RIC8B: variants seen among roughly 807,000 people sequenced by gnomAD.
RIC8B encodes the protein chaperone Ric-8B.
In RIC8B, 16 loss-of-function variants were observed where a neutral mutation model predicts 57.5. The observed-to-expected ratio is 0.28, with a 90% confidence interval of 0.19 to 0.42. The LOEUF is 0.42. Among genes scored for constraint, RIC8B ranks in the 10% least tolerant of loss-of-function variants. RIC8B has a pLI of 1.00. For missense variants in RIC8B, 481 were observed against 677.0 expected, an observed-to-expected ratio of 0.71 and a Z score of 3.21; for synonymous variants, 216 against 250.8, an observed-to-expected ratio of 0.86 and a Z score of 1.31.
At chr12:106,837,373 A>G (rs2046653649) in intron 4 of RIC8B, among the ~76,000 whole-genome samples, 5 of 152,084 alleles carry the variant, frequency 3.3e-5, no homozygotes, top group Admixed American at 3.3e-4. Context: ...AAAAAAAAAA[A>G]GTATAACCCA....
Position 106,879,339 on chromosome 12 carries a change from G to T in RIC8B, c.1572-6565G>T. On this transcript the variant is annotated intron_variant, in intron 9 of 9. Transcript: ENST00000392837. This position sits in a 1 kb window ranked among gnomAD's most constrained non-coding sequence, Gnocchi z 4.9. Reference sequence around the variant, plus strand: ...ATACACGTCTGACCTATTCTATATTGTGCGATTGGGTATGTTAGTATCTGA... The same window carrying T: ...ATACACGTCTGACCTATTCTATATTTTGCGATTGGGTATGTTAGTATCTGA... 4 of 985,156 alleles carry T rather than the reference G, an allele frequency of 4.1e-6. No individual in the cohort carries two copies. Among genetic ancestry groups the T allele is most frequent in the Non-Finnish European group, 4.8e-6 (4 of 829,870 alleles). 61.0% of individuals were successfully genotyped at this position (985,156 alleles called of 1,614,324 possible). A position where few individuals can be genotyped will look rare whatever the true frequency, so the allele number is the denominator to read the frequency against.
At chr12:106,849,168 TTTACCC>T (rs1301314766) in intron 6 of RIC8B, among the ~76,000 whole-genome samples, 5 of 152,192 alleles carry the variant, frequency 3.3e-5, no homozygotes, top group Non-Finnish European at 7.4e-5. Context: ...GGATACCCCA[TTTACCC>T]TGATGTGATT....
intron 2 of RIC8B, among the ~76,000 whole-genome samples, chr12:106,795,127 A>T (rs2044419867): frequency 6.6e-6 from 1 of 152,224 alleles, no homozygotes; most frequent in African/African-American, 2.4e-5. Flanking sequence ...CAAAAGCTAT[A>T]AATGTATACT....
intron 2 of RIC8B, among the ~76,000 whole-genome samples, chr12:106,811,291 G>C (rs146837103): frequency 8.3e-4 from 127 of 152,242 alleles, no homozygotes; most frequent in South Asian, 2.5e-3. Flanking sequence ...TGACCCTAAC[G>C]TCCGAATTAT....
intron 3 of RIC8B, among the ~76,000 whole-genome samples, chr12:106,816,600 T>C (rs2045585593): frequency 1.3e-5 from 2 of 152,226 alleles, no homozygotes; most frequent in Non-Finnish European, 2.9e-5. Flanking sequence ...AAGTTCTCCA[T>C]TTGAGACCTT....
At chr12:106,869,263 A>C (rs1293504321) in intron 8 of RIC8B, among the ~76,000 whole-genome samples, 1 of 152,086 alleles carries the variant, frequency 6.6e-6, no homozygotes, top group African/African-American at 2.4e-5. Flanking sequence ...GCCTCTGAGG[A>C]AGGTAGAAAA....
intron 2 of RIC8B, among the ~76,000 whole-genome samples, chr12:106,803,739 G>C (rs961482699): frequency 6.6e-6 from 1 of 152,110 alleles, no homozygotes; most frequent in Non-Finnish European, 1.5e-5. Flanking sequence ...AAATCCTTTT[G>C]AGAAACACTA....
At chr12:106,854,441 C>G (rs1413171565) in intron 7 of RIC8B, among the ~76,000 whole-genome samples, 1 of 152,128 alleles carries the variant, frequency 6.6e-6, no homozygotes, top group East Asian at 1.9e-4. Context: ...GGTCAGACCA[C>G]TAAGTAGAGA....
At chr12:106,868,425 T>C in intron 8 of RIC8B, 3 of 443,852 alleles carry the variant, frequency 6.8e-6, no homozygotes, top group Non-Finnish European at 1.4e-5. Context: ...TGGGAAGTGG[T>C]ATGTATCTAT....
chr12:106,840,355 G>A (rs776013049), intron 4 of RIC8B, among the ~76,000 whole-genome samples: 3 of 152,154 alleles, frequency 2.0e-5, no homozygotes, highest in South Asian at 4.2e-4. Flanking sequence ...GAGCATGAGC[G>A]GGAGGATGTC....
At chr12:106,862,258 C>G (rs1328982658) in intron 8 of RIC8B, among the ~76,000 whole-genome samples, 1 of 152,076 alleles carries the variant, frequency 6.6e-6, no homozygotes, top group East Asian at 1.9e-4. Flanking sequence ...TTCTTAAACA[C>G]TGCTCATTAT....
chr12:106,849,286 A>G lies in RIC8B; in HGVS notation c.1162-2164A>G, dbSNP rs998919986. Among the ~76,000 whole-genome samples the G allele has an allele frequency of 4.3e-5, 6 of 138,652 alleles. No individual in the cohort carries two copies. The South Asian group carries it at 1.4e-3, about 33-fold the overall frequency. The allele number at this position is 138,652 out of a possible 152,430, so 91.0% of individuals were successfully genotyped here. ...TAAAAAAATTTTTTTCTTTTTAAATAGTTTATTTATTTATTTATTTATTTA... is the reference window on the plus strand; with the variant it reads ...TAAAAAAATTTTTTTCTTTTTAAATGGTTTATTTATTTATTTATTTATTTA... On this transcript the variant is annotated intron_variant, in intron 6 of 9. Coordinates refer to ENST00000392837, the MANE Select transcript of RIC8B (RefSeq NM_001330145.2).
chr12:106,827,906 C>A (rs1363896967), intron 4 of RIC8B, among the ~76,000 whole-genome samples: 4 of 152,128 alleles, frequency 2.6e-5, no homozygotes, highest in Non-Finnish European at 5.9e-5. Flanking sequence ...AAGGAAGGCA[C>A]TTTGACCAAA....
intron 1 of RIC8B, 168 bp downstream of exon 1, chr12:106,774,997 A>C: frequency 1.7e-6 from 1 of 595,598 alleles, no homozygotes; most frequent in Non-Finnish European, 3.0e-6. Context: ...TTTTCCATCC[A>C]TGCATCCTGC....
intron 9 of RIC8B, 131 bp downstream of exon 9, chr12:106,871,073 CAGT>C: frequency 1.3e-6 from 1 of 779,642 alleles, no homozygotes; most frequent in Non-Finnish European, 1.9e-6. Context: ...GCCCAGGCAG[CAGT>C]AGTTCAGATA....
chr12:106,803,841 C>T (rs946550853), intron 2 of RIC8B, among the ~76,000 whole-genome samples: 3 of 152,158 alleles, frequency 2.0e-5, no homozygotes, highest in African/African-American at 7.2e-5. Context: ...TGGTTAAGAT[C>T]TTTAATTATA....
At chr12:106,869,571 C>T (rs752127948) in intron 8 of RIC8B, among the ~76,000 whole-genome samples, 7 of 152,018 alleles carry the variant, frequency 4.6e-5, no homozygotes, top group East Asian at 3.9e-4. Context: ...CTTCTGAAAG[C>T]GTTTATGTTC....
chr12:106,877,141 A>C (rs898493644), intron 9 of RIC8B, among the ~76,000 whole-genome samples: 4 of 152,094 alleles, frequency 2.6e-5, no homozygotes, highest in Non-Finnish European at 5.9e-5. Flanking sequence ...GATTTAAAAA[A>C]AACTAATATT....
At chr12:106,828,277 A>G (rs928007088) in intron 4 of RIC8B, among the ~76,000 whole-genome samples, 1 of 152,110 alleles carries the variant, frequency 6.6e-6, no homozygotes, top group African/African-American at 2.4e-5. Flanking sequence ...CTTTAATCAG[A>G]ATTAGAGTGA....
Sources: allele counts gnomAD v4.1 joint callset (sites outside exome capture counted in the v4.1 genomes callset), GRCh38; gene constraint gnomAD v4.1.1; non-coding constraint Gnocchi (gnomAD v3.1); transcripts MANE v1.5; gene names NCBI Gene and HGNC (gene_info 2026-07-23, HGNC 2026-07-21).